SUGCT: variants seen among roughly 807,000 people sequenced by gnomAD.
SUGCT encodes the protein succinyl-CoA:glutarate-CoA transferase, also known as succinyl-CoA:glutarate CoA-transferase.
In SUGCT, 41 loss-of-function variants were observed where a neutral mutation model predicts 55.0. The observed-to-expected ratio is 0.74, with a 90% CI of 0.58 to 0.97. SUGCT has a LOEUF of 0.97. Ranked by LOEUF, SUGCT falls within the 50% of genes least tolerant of loss-of-function variation. The pLI, the probability that SUGCT is intolerant of heterozygous loss-of-function variation, is 0.00. For missense variants in SUGCT, 568 were observed against 547.8 expected (o/e 1.04, Z -0.37); for synonymous variants, 187 against 200.4 (o/e 0.93, Z 0.56).
rs559372312 is a variant in SUGCT at position 40,469,582 on chromosome 7, A to G, written c.986+10384A>G. Among the ~76,000 whole-genome samples the G allele has an allele frequency of 9.8e-5, 15 of 152,314 alleles. No individual in the cohort carries two copies. In the East Asian group the frequency reaches 2.9e-3, roughly 29 times the overall value. On this transcript the variant is annotated intron_variant, in intron 11 of 13. Transcript: ENST00000335693. ...GCATCCCTTTGGCTTAGAGAATGCA[A>G]AGGGAACCACTGCAACTCCAGGCAA...
Position 40,834,752 on chromosome 7 carries a change from A to G in SUGCT, c.1154-25564A>G, listed in dbSNP as rs183783873. On this transcript the variant is annotated intron_variant, in intron 13 of 13. Transcript: ENST00000335693. ...GACTTATAGCTATAGAACAGTTTCA[A>G]ATAAAAGAAATGTTTCTTTTAACCG... 2.0e-5 allele frequency among the ~76,000 whole-genome samples: 3 copies of G among 152,336 alleles called. No individual in the cohort carries two copies. The East Asian group carries it at 5.8e-4, about 29-fold the overall frequency.
chr7:40,319,435 A>G (rs1795609808), intron 9 of SUGCT, among the ~76,000 whole-genome samples: 1 of 152,150 alleles, frequency 6.6e-6, no homozygotes, highest in Admixed American at 6.5e-5. Flanking sequence ...AGTTTTCTGT[A>G]ATAATTACAG....
intron 7 of SUGCT, among the ~76,000 whole-genome samples, chr7:40,256,131 A>G (rs978526863): frequency 6.6e-6 from 1 of 152,226 alleles, no homozygotes; most frequent in Non-Finnish European, 1.5e-5. Flanking sequence ...ATAATTGCAT[A>G]GTTGTTTCTG....
intron 12 of SUGCT, among the ~76,000 whole-genome samples, chr7:40,605,002 C>T (rs1055869031): frequency 4.6e-5 from 7 of 152,196 alleles, no homozygotes; most frequent in African/African-American, 9.7e-5. Context: ...CGGCGTTGCA[C>T]GGTATTGGGG....
chr7:40,281,763 A>G (rs1211729403), intron 8 of SUGCT, among the ~76,000 whole-genome samples: 1 of 152,186 alleles, frequency 6.6e-6, no homozygotes, highest in Non-Finnish European at 1.5e-5. Flanking sequence ...AAGGAGCAGC[A>G]TAGAAAGCTC....
At chr7:40,796,251 G>A (rs1790548987) in intron 13 of SUGCT, among the ~76,000 whole-genome samples, 1 of 152,136 alleles carries the variant, frequency 6.6e-6, no homozygotes, top group South Asian at 2.1e-4. Flanking sequence ...CTGAGTGTTG[G>A]TGTCCCATTT....
chr7:40,946,337 T>C, the SUGCT span, among the ~76,000 whole-genome samples: 1 of 152,178 alleles, frequency 6.6e-6, no homozygotes, highest in Non-Finnish European at 1.5e-5. Context: ...AGGTCGGGGC[T>C]GAGACAGGCA....
chr7:40,473,362 C>T (rs1042306267), intron 11 of SUGCT, among the ~76,000 whole-genome samples: 1 of 152,004 alleles, frequency 6.6e-6, no homozygotes, highest in East Asian at 1.9e-4. Context: ...TCACTTTATC[C>T]CAATAGCAAT....
intron 7 of SUGCT, among the ~76,000 whole-genome samples, chr7:40,266,547 A>G (rs1209836566): frequency 4.6e-5 from 7 of 152,166 alleles, no homozygotes; most frequent in African/African-American, 1.7e-4. Context: ...AAGTAGAGCT[A>G]TGATCAAAAC....
At chr7:40,892,152 A>G in the SUGCT span, among the ~76,000 whole-genome samples, 1 of 152,248 alleles carries the variant, frequency 6.6e-6, no homozygotes, top group Middle Eastern at 3.2e-3. Context: ...CTATAGCTAC[A>G]ATAATTTGTT....
intron 12 of SUGCT, among the ~76,000 whole-genome samples, chr7:40,509,296 A>G (rs1356099549): frequency 6.6e-6 from 1 of 152,090 alleles, no homozygotes; most frequent in Non-Finnish European, 1.5e-5. Flanking sequence ...TTTGGCCAAA[A>G]TACTATGACT....
chr7:40,407,862 G>C (rs1330556778), intron 9 of SUGCT, among the ~76,000 whole-genome samples: 1 of 152,034 alleles, frequency 6.6e-6, no homozygotes, highest in Non-Finnish European at 1.5e-5. Context: ...TCATTCCCTA[G>C]TGATGCTGGA....
At chr7:40,994,072 G>C in the SUGCT span, among the ~76,000 whole-genome samples, 1 of 152,134 alleles carries the variant, frequency 6.6e-6, no homozygotes, top group Non-Finnish European at 1.5e-5. Context: ...GCAATGCAGA[G>C]AGAAAAGTGA....
At chr7:40,808,065 A>G (rs1258950568) in intron 13 of SUGCT, 1 of 152,212 alleles carries the variant, frequency 6.6e-6, no homozygotes, top group African/African-American at 2.4e-5. Context: ...CCGAGGAACA[A>G]TACTTTGCAT....
At position 40,296,843 on chromosome 7, in the gene SUGCT, G is replaced by A. The variant is rs568160916; in HGVS notation, c.721-19917G>A. 1.6e-4 allele frequency among the ~76,000 whole-genome samples: 25 copies of A among 152,046 alleles called. 1 individual carries two copies. In the East Asian group the frequency reaches 4.6e-3, roughly 28 times the overall value. ...TTCTATTTGGTAACCATCCTATATA[G>A]GCCTCTAGAGTAGTGGTTAGGAGCA... On this transcript the variant is annotated intron_variant, in intron 8 of 13. Transcript: ENST00000335693.
At chr7:40,366,743 G>GA (rs1304413346) in intron 9 of SUGCT, among the ~76,000 whole-genome samples, 1,567 of 149,708 alleles carry the variant, frequency 0.01, 30 homozygotes, top group African/African-American at 0.038. Context: ...TAGAATGGCA[G>GA]TCATTAAAAA....
intron 12 of SUGCT, among the ~76,000 whole-genome samples, chr7:40,604,131 T>C: frequency 6.6e-6 from 1 of 152,192 alleles, no homozygotes; most frequent in East Asian, 1.9e-4. Context: ...TTCTCGTTTC[T>C]GTGCTTGAGG....
intron 11 of SUGCT, among the ~76,000 whole-genome samples, chr7:40,491,708 G>T (rs1791692677): frequency 6.6e-6 from 1 of 151,946 alleles, no homozygotes; most frequent in Admixed American, 6.6e-5. Flanking sequence ...AACCAAGGGA[G>T]GGCCGGGTGT....
intron 12 of SUGCT, among the ~76,000 whole-genome samples, chr7:40,740,951 A>G (rs768808925): frequency 2.0e-5 from 3 of 152,174 alleles, no homozygotes; most frequent in Non-Finnish European, 2.9e-5. Context: ...TCATGTACCA[A>G]TGAAGAATTC....
Sources: allele counts gnomAD v4.1 joint callset (sites outside exome capture counted in the v4.1 genomes callset), GRCh38; gene constraint gnomAD v4.1.1; transcripts MANE v1.5; gene names NCBI Gene and HGNC (gene_info 2026-07-23, HGNC 2026-07-21).